Variants in RPL41 observed in about 807,000 individuals in gnomAD.
RPL41 encodes small ribosomal subunit protein eS32.
In RPL41, 3 loss-of-function variants were observed where a neutral mutation model predicts 7.3. The observed-to-expected ratio is 0.41, with a 90% CI of 0.19 to 1.06. The LOEUF is 1.06. Ranked by LOEUF, RPL41 falls within the 50% of genes least tolerant of loss-of-function variation. The pLI is 0.32. For missense variants in RPL41, 13 were observed against 30.4 expected, an observed-to-expected ratio of 0.43 and a Z score of 1.35; for synonymous variants, 9 against 7.4, an observed-to-expected ratio of 1.21 and a Z score of -0.34.
intron 2 of RPL41, 40 bp from the exon 3 acceptor site, chr12:56,117,442 C>T (rs930927577): frequency 6.4e-7 from 1 of 1,550,662 alleles, no homozygotes; most frequent in East Asian, 2.4e-5. Context: ...AAAGGCAACT[C>T]TGGTTTGAGG....
rs917426561 is a variant in RPL41 at position 56,117,157 on chromosome 12, T to C, written c.13-32T>C. On this transcript the variant is annotated intron_variant, in intron 1 of 2. Coordinates refer to ENST00000546591, the MANE Select transcript of RPL41 (RefSeq NM_001035267.2). ...TCATCCCTTTTTTTTTTTTTTTTTTTTAATTATCTGCTGCTTGTGATCGGT... is the reference window on the plus strand; with the variant it reads ...TCATCCCTTTTTTTTTTTTTTTTTTCTAATTATCTGCTGCTTGTGATCGGT... 2.0e-6 allele frequency: 3 copies of C among 1,538,006 alleles called. No homozygotes were observed. The Admixed American group carries it at 6.9e-5, about 35-fold the overall frequency.
chr12:56,117,625 A>G lies in RPL41; in HGVS notation c.*101A>G. On this transcript the variant is annotated 3_prime_UTR_variant, in exon 3 of 3. Coordinates refer to ENST00000546591, the MANE Select transcript of RPL41 (RefSeq NM_001035267.2). The stretch of plus-strand genomic sequence containing the variant: ...GTTGTGGGACTGCATGCTACTGTCT[A>G]GAGCTTGTCTCAATGGATCTAGAAC... 2.2e-6 allele frequency: 2 copies of G among 893,894 alleles called. No individual in the cohort carries two copies. The highest frequency in any genetic ancestry group is 2.6e-5 in the East Asian group (1 of 37,890). The allele number at this position is 893,894 out of a possible 1,614,324, so 55.4% of individuals were successfully genotyped here. A position where few individuals can be genotyped will look rare whatever the true frequency, so the allele number is the denominator to read the frequency against.
chr12:56,117,297 A>G (rs1869644501), intron 2 of RPL41, 86 bp downstream of exon 2: 1 of 1,526,328 alleles, frequency 6.6e-7, no homozygotes, highest in Middle Eastern at 1.7e-4. Context: ...ATCTTAAAAG[A>G]TCTTTAGGAG....
rs1869670951 is a variant in RPL41, at chr12:56,117,851, T to G, written c.*327T>G. ...TAAATCATCTTGTCTATTATGTTTT[T>G]TATGGTTCCATCGGGTGGGGGTTTT... On this transcript the variant is annotated 3_prime_UTR_variant, in exon 3 of 3. Transcript: ENST00000546591. The G allele has an allele frequency of 5.3e-6, 2 of 377,722 alleles. No homozygotes were observed. The highest frequency in any genetic ancestry group is 7.6e-5 in the Admixed American group (2 of 26,460). The allele number at this position is 377,722 out of a possible 1,614,324, so 23.4% of individuals were successfully genotyped here. A position where few individuals can be genotyped will look rare whatever the true frequency, so the allele number is the denominator to read the frequency against.
chr12:56,116,918 T>C (rs961621614), intron 1 of RPL41, 119 bp downstream of exon 1: 8 of 1,354,852 alleles, frequency 5.9e-6, no homozygotes, highest in Non-Finnish European at 8.5e-6. Context: ...CAAGAGCTGG[T>C]GGGAGAGAGA....
rs1210154393 is a variant in RPL41 at position 56,117,582 on chromosome 12, C to T, written c.*58C>T. The T allele has an allele frequency of 4.7e-6, 6 of 1,267,792 alleles. No individual in the cohort carries two copies. In the Admixed American group the frequency reaches 9.9e-5, roughly 21 times the overall value. 78.5% of individuals were successfully genotyped at this position (1,267,792 alleles called of 1,614,324 possible). Reference sequence around the variant, plus strand: ...GAGCAGAAACATGGAATGCCAGACGCTGGGGATGCTGGTACAAGTTGTGGG... The same window carrying T: ...GAGCAGAAACATGGAATGCCAGACGTTGGGGATGCTGGTACAAGTTGTGGG... On this transcript the variant is annotated 3_prime_UTR_variant, in exon 3 of 3. Coordinates refer to ENST00000546591, the MANE Select transcript of RPL41 (RefSeq NM_001035267.2).
At position 56,116,685 on chromosome 12, in the gene RPL41, G is replaced by T; in HGVS notation, c.-103G>T. Reference sequence around the variant, plus strand: ...GTGAGTGTTTTTTGGTTCCTGCGTTGGGATTCCGTGTACAATCCATAGACA... The same window carrying T: ...GTGAGTGTTTTTTGGTTCCTGCGTTTGGATTCCGTGTACAATCCATAGACA... On this transcript the variant is annotated 5_prime_UTR_variant, in exon 1 of 3. Coordinates refer to ENST00000546591, the MANE Select transcript of RPL41 (RefSeq NM_001035267.2). 7.2e-7 allele frequency: 1 copy of T among 1,389,208 alleles called. No homozygotes were observed. Among genetic ancestry groups the T allele is most frequent in the Non-Finnish European group, 1.0e-6 (1 of 977,140 alleles). 86.1% of individuals were successfully genotyped at this position (1,389,208 alleles called of 1,614,324 possible).
rs1158304643 is a variant in RPL41 at position 56,117,557 on chromosome 12, G to A, written c.*33G>A. The stretch of plus-strand genomic sequence containing the variant: ...GCTTGTTGCACCGTGGAGGCCACAG[G>A]AGCAGAAACATGGAATGCCAGACGC... On this transcript the variant is annotated 3_prime_UTR_variant, in exon 3 of 3. Coordinates refer to ENST00000546591, the MANE Select transcript of RPL41 (RefSeq NM_001035267.2). 6.7e-7 allele frequency: 1 copy of A among 1,502,026 alleles called. No homozygotes were observed. The highest frequency in any genetic ancestry group is 1.2e-5 in the South Asian group (1 of 82,846). The allele number at this position is 1,502,026 out of a possible 1,614,324, so 93.0% of individuals were successfully genotyped here.
intron 1 of RPL41, 142 bp from the exon 2 acceptor site, chr12:56,117,047 G>T (rs1453120570): frequency 7.8e-7 from 1 of 1,278,510 alleles, no homozygotes. Flanking sequence ...TAGTTGTTAC[G>T]ACCAATCTTT....
Position 56,116,737 on chromosome 12 carries a change from C to G in RPL41, c.-51C>G, listed in dbSNP as rs1323065100. ...CTGACCTCGGCACTTAGCATCATCA[C>G]AGCAAACTAACTGTAGCCTTTCTCT... On this transcript the variant is annotated 5_prime_UTR_variant, in exon 1 of 3. Transcript: ENST00000546591. 1.2e-6 allele frequency: 2 copies of G among 1,611,296 alleles called. No individual in the cohort carries two copies. The highest frequency in any genetic ancestry group is 1.7e-6 in the Non-Finnish European group (2 of 1,177,504).
rs1057403065 is a variant in RPL41 at position 56,116,681 on chromosome 12, C to G, written c.-107C>G. On this transcript the variant is annotated 5_prime_UTR_variant, in exon 1 of 3. Transcript: ENST00000546591. Reference sequence around the variant, plus strand: ...TTGGGTGAGTGTTTTTTGGTTCCTGCGTTGGGATTCCGTGTACAATCCATA... The same window carrying G: ...TTGGGTGAGTGTTTTTTGGTTCCTGGGTTGGGATTCCGTGTACAATCCATA... The G allele has an allele frequency of 7.3e-7, 1 of 1,362,880 alleles. No homozygotes were observed. Among genetic ancestry groups the G allele is most frequent in the Non-Finnish European group, 1.0e-6 (1 of 954,264 alleles). 84.4% of individuals were successfully genotyped at this position (1,362,880 alleles called of 1,614,324 possible).
At chr12:56,117,396 A>C (rs916955926) in intron 2 of RPL41, 86 bp from the exon 3 acceptor site, 4 of 1,468,922 alleles carry the variant, frequency 2.7e-6, no homozygotes, top group Non-Finnish European at 3.7e-6. Context: ...TTACCACCTC[A>C]TTCTTTATGT....
chr12:56,116,825 G>T, intron 1 of RPL41, 26 bp downstream of exon 1: 1 of 1,613,990 alleles, frequency 6.2e-7, no homozygotes, highest in Non-Finnish European at 8.5e-7. Context: ...TAGTAAGCTT[G>T]GGAGGTAGGA....
At position 56,117,568 on chromosome 12, in the gene RPL41, T is replaced by C. The variant is rs555977573; in HGVS notation, c.*44T>C. Reference sequence around the variant, plus strand: ...CGTGGAGGCCACAGGAGCAGAAACATGGAATGCCAGACGCTGGGGATGCTG... The same window carrying C: ...CGTGGAGGCCACAGGAGCAGAAACACGGAATGCCAGACGCTGGGGATGCTG... On this transcript the variant is annotated 3_prime_UTR_variant, in exon 3 of 3. Coordinates refer to ENST00000546591, the MANE Select transcript of RPL41 (RefSeq NM_001035267.2). 1 of 1,429,738 alleles carries C rather than the reference T, an allele frequency of 7.0e-7. No individual in the cohort carries two copies. Among genetic ancestry groups the C allele is most frequent in the East Asian group, 2.5e-5 (1 of 40,342 alleles). The allele number at this position is 1,429,738 out of a possible 1,614,324, so 88.6% of individuals were successfully genotyped here.
At chr12:56,117,353 C>T (rs932588262) in intron 2 of RPL41, 129 bp from the exon 3 acceptor site, 1 of 1,405,230 alleles carries the variant, frequency 7.1e-7, no homozygotes, top group South Asian at 1.2e-5. Context: ...TTTAACAGAA[C>T]AGAGAACGAT....
intron 2 of RPL41, 100 bp from the exon 3 acceptor site, chr12:56,117,382 C>A: frequency 2.8e-6 from 4 of 1,438,952 alleles, no homozygotes; most frequent in African/African-American, 1.4e-5. Flanking sequence ...AGTGCTTGTT[C>A]ATTTTACCAC....
At chr12:56,116,858 A>ACG in intron 1 of RPL41, 59 bp downstream of exon 1, 1 of 1,605,412 alleles carries the variant, frequency 6.2e-7, no homozygotes, top group South Asian at 1.1e-5. Flanking sequence ...TAGCGAGGAG[A>ACG]CGAAGGCAAG....
Position 56,116,754 on chromosome 12 carries a change from C to T in RPL41, c.-34C>T, listed in dbSNP as rs753217154. ...CATCATCACAGCAAACTAACTGTAG[C>T]CTTTCTCTCTTTCCCTGTAGAAACC... On this transcript the variant is annotated 5_prime_UTR_variant, in exon 1 of 3. Transcript: ENST00000546591. 5.6e-6 allele frequency: 9 copies of T among 1,613,612 alleles called. No individual in the cohort carries two copies. Among genetic ancestry groups the T allele is most frequent in the Middle Eastern group, 1.6e-4 (1 of 6,084 alleles).
At position 56,116,704 on chromosome 12, in the gene RPL41, A is replaced by G. The variant is rs762950984; in HGVS notation, c.-84A>G. Reference sequence around the variant, plus strand: ...TGCGTTGGGATTCCGTGTACAATCCATAGACATCTGACCTCGGCACTTAGC... The same window carrying G: ...TGCGTTGGGATTCCGTGTACAATCCGTAGACATCTGACCTCGGCACTTAGC... On this transcript the variant is annotated 5_prime_UTR_variant, in exon 1 of 3. Coordinates refer to ENST00000546591, the MANE Select transcript of RPL41 (RefSeq NM_001035267.2). 5.4e-5 allele frequency: 82 copies of G among 1,517,548 alleles called. No individual in the cohort carries two copies. Among genetic ancestry groups the G allele is most frequent in the Non-Finnish European group, 7.5e-5 (82 of 1,092,016 alleles). The allele number at this position is 1,517,548 out of a possible 1,614,324, so 94.0% of individuals were successfully genotyped here. A position where few individuals can be genotyped will look rare whatever the true frequency, so the allele number is the denominator to read the frequency against.
Sources: gnomAD v4.1 joint callset for allele counts on GRCh38, gnomAD v4.1.1 for gene constraint, MANE v1.5 for transcripts, NCBI Gene and HGNC (gene_info 2026-07-23, HGNC 2026-07-21) for gene names.